The following MIER1 variants were observed in gnomAD, a reference collection of about 807,000 sequenced individuals.
The protein encoded by MIER1 is mesoderm induction early response protein 1.
In MIER1, 40 loss-of-function variants were observed where a neutral mutation model predicts 75.7. The ratio of observed to expected loss-of-function variants is 0.53; its 90% CI spans 0.41 to 0.69. The LOEUF (loss-of-function observed/expected upper bound fraction) is 0.69. Ranked by LOEUF, MIER1 falls within the 30% of genes least tolerant of loss-of-function variation. The pLI is 0.00. For missense variants in MIER1, 574 were observed against 680.2 expected (o/e 0.84, Z 1.74); for synonymous variants, 213 against 223.4 (o/e 0.95, Z 0.42).
intron 12 of MIER1, among the ~76,000 whole-genome samples, chr1:66,979,430 C>A (rs921087052): frequency 5.9e-5 from 9 of 152,170 alleles, no homozygotes; most frequent in East Asian, 3.8e-4. Flanking sequence ...CCCTTTTCTG[C>A]CTACAAACAG....
intron 7 of MIER1, among the ~76,000 whole-genome samples, 152 bp from the exon 8 acceptor site, chr1:66,962,930 ATTCATC>A (rs1314478367): frequency 6.6e-6 from 1 of 152,102 alleles, no homozygotes. Context: ...ATTATTTGTC[ATTCATC>A]TTCACAAAGG....
intron 2 of MIER1, among the ~76,000 whole-genome samples, chr1:66,930,582 C>A (rs1255028322): frequency 2.6e-5 from 4 of 151,548 alleles, no homozygotes; most frequent in African/African-American, 9.7e-5. Flanking sequence ...GGGATGGGTC[C>A]GGGGGTAGGA....
intron 6 of MIER1, 34 bp from the exon 7 acceptor site, chr1:66,959,641 GCAGT>G: frequency 1.0e-6 from 1 of 965,332 alleles, no homozygotes. Context: ...GACAGGATAA[GCAGT>G]CATTTTATAG....
Position 66,984,987 on chromosome 1 carries a change from T to G in MIER1, c.*87T>G. 1 of 1,449,004 alleles carries G rather than the reference T, an allele frequency of 6.9e-7. No homozygotes were observed. The highest frequency in any genetic ancestry group is 9.1e-7 in the Non-Finnish European group (1 of 1,101,498). 89.8% of individuals were successfully genotyped at this position (1,449,004 alleles called of 1,614,324 possible). A position where few individuals can be genotyped will look rare whatever the true frequency, so the allele number is the denominator to read the frequency against. On this transcript the variant is annotated 3_prime_UTR_variant, in exon 14 of 14. Transcript: ENST00000401041. ...GATGGGTTACCTTAAAAAGTTGATT[T>G]CCTTGAAGCAGTTTGAAAATTTGAA...
intron 2 of MIER1, among the ~76,000 whole-genome samples, chr1:66,936,023 T>A (rs542862347): frequency 5.9e-5 from 9 of 152,314 alleles, no homozygotes; most frequent in African/African-American, 1.2e-4. Flanking sequence ...GTGTCTTTTT[T>A]AAAATATATC....
intron 2 of MIER1, among the ~76,000 whole-genome samples, chr1:66,934,405 CTTT>C (rs34839262): frequency 7.4e-5 from 10 of 135,492 alleles, no homozygotes; most frequent in Non-Finnish European, 1.1e-4. Context: ...TTCTTTCTTT[CTTT>C]TTTTTTTTTT....
chr1:66,955,399 T>C (rs1248270751), intron 4 of MIER1, among the ~76,000 whole-genome samples: 1 of 141,610 alleles, frequency 7.1e-6, no homozygotes, highest in East Asian at 2.3e-4. Flanking sequence ...GGAGACTTAC[T>C]AGGTCAGAAA....
intron 2 of MIER1, among the ~76,000 whole-genome samples, chr1:66,938,660 G>A (rs1183945660): frequency 6.6e-6 from 1 of 152,114 alleles, no homozygotes; most frequent in East Asian, 1.9e-4. Context: ...TACTCTCCAA[G>A]CTTCCCATTA....
At chr1:66,944,284 C>A (rs546693056) in intron 3 of MIER1, among the ~76,000 whole-genome samples, 2 of 151,716 alleles carry the variant, frequency 1.3e-5, no homozygotes, top group South Asian at 2.1e-4. Flanking sequence ...TAATGTCTAA[C>A]CATCAACAGT....
chr1:66,954,720 T>C (rs549320356), intron 4 of MIER1, among the ~76,000 whole-genome samples: 24 of 151,978 alleles, frequency 1.6e-4, no homozygotes, highest in African/African-American at 4.8e-4. Flanking sequence ...TTTTTTTTTT[T>C]CTTGAGACAG....
chr1:66,942,616 AC>A (rs1656509382), intron 3 of MIER1, among the ~76,000 whole-genome samples: 1 of 151,848 alleles, frequency 6.6e-6, no homozygotes, highest in Admixed American at 6.6e-5. Context: ...TTCCTAGGAG[AC>A]AGCCTAATGG....
chr1:66,971,538 A>G (rs778923189), intron 9 of MIER1, 117 bp from the exon 10 acceptor site: 26 of 597,338 alleles, frequency 4.4e-5, no homozygotes, highest in South Asian at 1.1e-4. Flanking sequence ...AACATTCACT[A>G]AAGTTATTTG....
chr1:66,950,764 CAGT>C (rs1658744175), intron 4 of MIER1, among the ~76,000 whole-genome samples: 1 of 151,602 alleles, frequency 6.6e-6, no homozygotes, highest in South Asian at 2.1e-4. Context: ...AAGAAGAGTT[CAGT>C]GCCTTCATTC....
chr1:66,979,889 C>T (rs184359738), intron 12 of MIER1, among the ~76,000 whole-genome samples: 4 of 152,094 alleles, frequency 2.6e-5, no homozygotes, highest in Non-Finnish European at 4.4e-5. Flanking sequence ...CGCCGCCTCC[C>T]GAGTAGCTGG....
chr1:66,932,644 A>G (rs1653721899), intron 2 of MIER1: 1 of 152,208 alleles, frequency 6.6e-6, no homozygotes, highest in African/African-American at 2.4e-5. Flanking sequence ...TGAAGCCAAT[A>G]TAAAAGCATG....
At chr1:66,930,228 G>A in intron 2 of MIER1, 1 of 1,432,464 alleles carries the variant, frequency 7.0e-7, no homozygotes, top group African/African-American at 1.5e-5. Context: ...AGTGGGGTGT[G>A]GTGGGCGCGC....
At position 66,958,839 on chromosome 1, in the gene MIER1, A is replaced by T. The variant is rs1460935186; in HGVS notation, c.502-12A>T. The T allele has an allele frequency of 6.3e-7, 1 of 1,585,586 alleles. No homozygotes were observed. Among genetic ancestry groups the T allele is most frequent in the East Asian group, 2.2e-5 (1 of 44,600 alleles). ...CTTACATCTTAGAGAAATTTAATTT[A>T]TTATTCCACAGGAGGAGAATATAAA... On this transcript the variant is annotated splice_polypyrimidine_tract_variant and intron_variant, in intron 5 of 13. Coordinates refer to ENST00000401041, the MANE Select transcript of MIER1 (RefSeq NM_001077700.3).
chr1:66,976,235 C>T (rs974685533), intron 11 of MIER1, among the ~76,000 whole-genome samples: 1 of 150,682 alleles, frequency 6.6e-6, no homozygotes, highest in Admixed American at 6.6e-5. Context: ...AACTCCTGAC[C>T]TCGTGATCCA....
At chr1:66,926,098 G>C (rs200891260) in intron 1 of MIER1, 44 bp from the exon 2 acceptor site, 91 of 1,481,912 alleles carry the variant, frequency 6.1e-5, no homozygotes, top group Non-Finnish European at 7.9e-5. Context: ...TTGTATCATC[G>C]TTTCTGTCTC....
Sources: allele counts gnomAD v4.1 joint callset (sites outside exome capture counted in the v4.1 genomes callset), GRCh38; gene constraint gnomAD v4.1.1; transcripts MANE v1.5; gene names NCBI Gene and HGNC (gene_info 2026-07-23, HGNC 2026-07-21).